The following TUSC3 variants were observed in gnomAD, a reference collection of about 807,000 sequenced individuals.
TUSC3 encodes dolichyl-diphosphooligosaccharide--protein glycosyltransferase subunit TUSC3.
In TUSC3, 45 loss-of-function variants were observed where a neutral mutation model predicts 44.8. That is an observed-to-expected ratio of 1.00 (90% CI 0.79 to 1.29). The LOEUF is 1.29. Among genes scored for constraint, TUSC3 ranks in the 50% most tolerant of loss-of-function variants. TUSC3 has a pLI of 0.00. For synonymous variants in TUSC3, 212 were observed against 152.9 expected, an observed-to-expected ratio of 1.39 and a Z score of -2.85; for missense variants, 519 against 437.9, an observed-to-expected ratio of 1.19 and a Z score of -1.65.
At chr8:15,803,065 G>A in the TUSC3 span, among the ~76,000 whole-genome samples, 1 of 152,118 alleles carries the variant, frequency 6.6e-6, no homozygotes, top group Non-Finnish European at 1.5e-5. Context: ...GGTCAGTGTT[G>A]ATGTTCACTC....
At chr8:15,567,922 G>C (rs144119499) in intron 1 of TUSC3, among the ~76,000 whole-genome samples, 2 of 152,144 alleles carry the variant, frequency 1.3e-5, no homozygotes, top group South Asian at 4.2e-4. Flanking sequence ...ATTGAGTAAT[G>C]TGTGGTACTC....
chr8:15,827,402 C>G, the TUSC3 span, among the ~76,000 whole-genome samples: 1 of 152,068 alleles, frequency 6.6e-6, no homozygotes, highest in Non-Finnish European at 1.5e-5. Flanking sequence ...GGAATGTTTT[C>G]TGTATAAGTA....
At chr8:15,538,643 T>G (rs1161269068), upstream of TUSC3, among the ~76,000 whole-genome samples, 2 of 152,154 alleles carry the variant, frequency 1.3e-5, no homozygotes, top group African/African-American at 2.4e-5. Flanking sequence ...AACTTTGTAT[T>G]GAAAAAATCG....
the TUSC3 span, among the ~76,000 whole-genome samples, chr8:15,811,361 C>T: frequency 7.2e-5 from 11 of 152,190 alleles, no homozygotes; most frequent in Non-Finnish European, 1.3e-4. Flanking sequence ...CTACTCCTAA[C>T]CTCGAAGTCC....
the TUSC3 span, among the ~76,000 whole-genome samples, chr8:15,793,268 C>G: frequency 1.3e-5 from 2 of 152,140 alleles, no homozygotes; most frequent in African/African-American, 2.4e-5. Context: ...GCTTCTCACA[C>G]AGCAGCAGCC....
chr8:15,565,572 A>G (rs958004958), intron 1 of TUSC3, among the ~76,000 whole-genome samples: 2 of 152,134 alleles, frequency 1.3e-5, no homozygotes, highest in African/African-American at 4.8e-5. Flanking sequence ...GGCTCTTGAG[A>G]ATCTTCTGCT....
At chr8:15,662,030 C>A in intron 4 of TUSC3, 126 bp from the exon 5 acceptor site, 1 of 1,004,154 alleles carries the variant, frequency 1.0e-6, no homozygotes, top group Non-Finnish European at 1.5e-6. Flanking sequence ...GTGCTAGTGT[C>A]ACGTATGAAA....
intron 1 of TUSC3, among the ~76,000 whole-genome samples, chr8:15,558,969 A>G (rs560868306): frequency 6.7e-6 from 1 of 150,350 alleles, no homozygotes; most frequent in South Asian, 2.1e-4. Context: ...GGATTCATTA[A>G]TTTTTTGAAG....
chr8:15,554,709 TCTC>T (rs1802177605), intron 1 of TUSC3, among the ~76,000 whole-genome samples: 1 of 149,326 alleles, frequency 6.7e-6, no homozygotes. Context: ...TTCACACCAT[TCTC>T]CTGCCTCAGC....
the TUSC3 span, among the ~76,000 whole-genome samples, chr8:15,801,061 G>C: frequency 3.9e-5 from 6 of 152,162 alleles, no homozygotes; most frequent in Admixed American, 2.6e-4. Context: ...TTCAGGGTGA[G>C]TTTGTAAAGT....
At chr8:15,541,007 T>C (rs1301518928) in intron 1 of TUSC3, among the ~76,000 whole-genome samples, 1 of 152,244 alleles carries the variant, frequency 6.6e-6, no homozygotes, top group Non-Finnish European at 1.5e-5. Flanking sequence ...AGAGTGTGTT[T>C]TAAGTTACAC....
At chr8:15,515,707 A>C (rs1219105824) in intron 2 of TUSC3, among the ~76,000 whole-genome samples, 2 of 152,062 alleles carry the variant, frequency 1.3e-5, no homozygotes, top group African/African-American at 4.8e-5. Flanking sequence ...TCACTCTGTC[A>C]CCCAGACTGG....
At chr8:15,547,090 A>G (rs987827845) in intron 1 of TUSC3, among the ~76,000 whole-genome samples, 9 of 151,712 alleles carry the variant, frequency 5.9e-5, no homozygotes, top group African/African-American at 2.2e-4. Context: ...TTGGTTAATC[A>G]TGTAAAGATA....
intron 1 of TUSC3, among the ~76,000 whole-genome samples, chr8:15,606,053 C>A (rs1406743560): frequency 6.6e-6 from 1 of 151,876 alleles, no homozygotes; most frequent in African/African-American, 2.4e-5. Context: ...TAGTGTAAAC[C>A]TTGAATAACA....
intron 1 of TUSC3, among the ~76,000 whole-genome samples, chr8:15,613,772 G>T (rs73524583): frequency 6.6e-6 from 1 of 152,082 alleles, no homozygotes; most frequent in Non-Finnish European, 1.5e-5. Context: ...AGATATTTCT[G>T]TTCTCCTTTA....
intron 1 of TUSC3, among the ~76,000 whole-genome samples, chr8:15,602,287 C>T (rs1804321405): frequency 1.3e-5 from 2 of 151,582 alleles, no homozygotes; most frequent in Admixed American, 1.3e-4. Context: ...TCATGCAGAA[C>T]TATTTAGCTT....
intron 1 of TUSC3, among the ~76,000 whole-genome samples, chr8:15,580,324 G>T (rs2129146298): frequency 2.6e-5 from 1 of 38,152 alleles, no homozygotes; most frequent in East Asian, 5.5e-4. Context: ...TACATTTAAA[G>T]TTAATATTGT....
At chr8:15,487,800 C>A (rs1247946794) in intron 2 of TUSC3, among the ~76,000 whole-genome samples, 2 of 151,568 alleles carry the variant, frequency 1.3e-5, no homozygotes. Context: ...AGGATCACTT[C>A]ATTTGACATC....
intron 6 of TUSC3, among the ~76,000 whole-genome samples, chr8:15,712,638 C>T (rs753004449): frequency 1.3e-5 from 2 of 152,070 alleles, no homozygotes; most frequent in Non-Finnish European, 2.9e-5. Flanking sequence ...CGTCTATCTT[C>T]TTGCCAATCC....
Sources: allele counts gnomAD v4.1 joint callset (sites outside exome capture counted in the v4.1 genomes callset), GRCh38; gene constraint gnomAD v4.1.1; transcripts MANE v1.5; gene names NCBI Gene and HGNC (gene_info 2026-07-23, HGNC 2026-07-21).